The following LHCGR variants were observed in gnomAD, a reference collection of about 807,000 sequenced individuals.
LHCGR encodes luteinizing hormone/choriogonadotropin receptor.
Under a neutral mutation model 60.7 loss-of-function variants are expected in LHCGR, and 55 were observed. The observed-to-expected ratio is 0.91, with a 90% CI of 0.73 to 1.13. LHCGR has a LOEUF of 1.13. Ranked by LOEUF, LHCGR falls within the 50% of genes most tolerant of loss-of-function variation. The pLI is 0.00. For synonymous variants in LHCGR, 337 were observed against 316.5 expected (o/e 1.06, Z -0.69); for missense variants, 862 against 836.0 (o/e 1.03, Z -0.38).
Position 48,708,978 on chromosome 2 carries a change from G to C in LHCGR, c.650C>G (p.Ala217Gly). ...NVHLEKMHNG[A>G]FRGATGPKTL... ...TTTCGGCCCTGTGGCCCCACGGAAG[G>C]CTCCATTGTGCATCTTCTCCAGATG... The change falls in exon 8 of 11, where the codon GCC becomes GGC. Residue 217 changes from alanine to glycine, a missense_variant. Transcript: ENST00000294954. The C allele has an allele frequency of 1.9e-6, 3 of 1,614,132 alleles. No individual in the cohort carries two copies. The highest frequency in any genetic ancestry group is 2.5e-6 in the Non-Finnish European group (3 of 1,179,992).
chr2:48,689,811 T>A (rs1290450128), intron 10 of LHCGR, among the ~76,000 whole-genome samples: 1 of 151,992 alleles, frequency 6.6e-6, no homozygotes, highest in East Asian at 1.9e-4. Flanking sequence ...GCCTCCCAGG[T>A]TCAAACGATT....
At chr2:48,740,837 C>T (rs952040082) in intron 1 of LHCGR, among the ~76,000 whole-genome samples, 1 of 152,202 alleles carries the variant, frequency 6.6e-6, no homozygotes, top group Admixed American at 6.5e-5. Flanking sequence ...ACAAAGCTGA[C>T]AGAGAATGAC....
At chr2:48,706,583 G>A (rs370439635) in intron 8 of LHCGR, among the ~76,000 whole-genome samples, 26 of 152,004 alleles carry the variant, frequency 1.7e-4, no homozygotes, top group African/African-American at 5.8e-4. Context: ...GACCTTGTTC[G>A]TTTGTTTTCA....
Position 48,723,670 on chromosome 2 carries a change from T to A in LHCGR, c.410A>T (p.Lys137Met), listed in dbSNP as rs1381455502. ...YLSICNTGIR[K>M]FPDVTKVFSS... ...GAAGACCTTCGTAACATCTGGAAAC[T>A]TTCTGATGCCTGTGTTACAGATGCT... Residue 137 changes from lysine to methionine, a missense_variant, in exon 5 of 11, where the codon AAG (lysine) becomes ATG (methionine). Coordinates refer to ENST00000294954, the MANE Select transcript of LHCGR (RefSeq NM_000233.4). 2.5e-6 allele frequency: 4 copies of A among 1,613,778 alleles called. No individual in the cohort carries two copies. The African/African-American group carries it at 5.3e-5, about 22-fold the overall frequency.
chr2:48,740,302 C>T (rs1311448793), intron 1 of LHCGR, among the ~76,000 whole-genome samples: 2 of 152,330 alleles, frequency 1.3e-5, no homozygotes, highest in Admixed American at 1.3e-4. Context: ...CTTAGGTAAA[C>T]AAAGCAGCCA....
intron 1 of LHCGR, among the ~76,000 whole-genome samples, chr2:48,749,984 G>A (rs1669887493): frequency 6.6e-6 from 1 of 152,208 alleles, no homozygotes; most frequent in African/African-American, 2.4e-5. Context: ...TCAGGTTTAA[G>A]AGTTGCCTTG....
At chr2:48,710,425 T>A (rs943649672) in intron 7 of LHCGR, among the ~76,000 whole-genome samples, 30 of 152,234 alleles carry the variant, frequency 2.0e-4, no homozygotes, top group Non-Finnish European at 2.9e-5. Context: ...TCAGATTAAT[T>A]GTTCAAATTT....
At chr2:48,709,802 T>C (rs1455697878) in intron 7 of LHCGR, among the ~76,000 whole-genome samples, 1 of 152,204 alleles carries the variant, frequency 6.6e-6, no homozygotes, top group Admixed American at 6.5e-5. Context: ...GGCAGCCTCC[T>C]TTCTGGGCCC....
chr2:48,735,814 C>A (rs1289735637), intron 1 of LHCGR, among the ~76,000 whole-genome samples: 1 of 152,152 alleles, frequency 6.6e-6, no homozygotes, highest in African/African-American at 2.4e-5. Context: ...TGCTTATAGA[C>A]TGATGTGGTT....
intron 10 of LHCGR, among the ~76,000 whole-genome samples, chr2:48,690,674 C>T (rs897299433): frequency 6.6e-6 from 1 of 152,178 alleles, no homozygotes; most frequent in African/African-American, 2.4e-5. Flanking sequence ...CTGGTGAATT[C>T]CTCCTCATCT....
At chr2:48,745,548 G>A (rs932141790) in intron 1 of LHCGR, among the ~76,000 whole-genome samples, 1 of 152,016 alleles carries the variant, frequency 6.6e-6, no homozygotes, top group African/African-American at 2.4e-5. Flanking sequence ...CCTTTGTAGG[G>A]ACATGGATGA....
chr2:48,745,770 G>A (rs1423426998), intron 1 of LHCGR, among the ~76,000 whole-genome samples: 28 of 151,306 alleles, frequency 1.9e-4, no homozygotes, highest in South Asian at 4.2e-4. Flanking sequence ...TGGGTGCAGC[G>A]CACCAGCATG....
chr2:48,693,671 G>A (rs1398841923), intron 10 of LHCGR, among the ~76,000 whole-genome samples: 1 of 152,218 alleles, frequency 6.6e-6, no homozygotes, highest in East Asian at 1.9e-4. Context: ...TAAGTGAAAT[G>A]CCAAGGCAGC....
chr2:48,721,865 A>AT (rs1668511831), intron 6 of LHCGR: 3 of 455,874 alleles, frequency 6.6e-6, no homozygotes, highest in South Asian at 4.8e-5. Context: ...GTATAAAGAA[A>AT]TGAGGCCGGG....
intron 6 of LHCGR, among the ~76,000 whole-genome samples, chr2:48,718,825 T>C (rs1354007971): frequency 2.0e-5 from 3 of 152,172 alleles, no homozygotes; most frequent in African/African-American, 4.8e-5. Context: ...GTAACTCTAG[T>C]TATGAATCAG....
chr2:48,696,679 C>G (rs944181563), intron 9 of LHCGR, among the ~76,000 whole-genome samples: 2 of 152,192 alleles, frequency 1.3e-5, no homozygotes, highest in African/African-American at 4.8e-5. Context: ...AGGGCCTCAA[C>G]TTTTACTGAT....
intron 1 of LHCGR, among the ~76,000 whole-genome samples, chr2:48,753,498 G>A (rs1484037571): frequency 1.3e-5 from 2 of 152,188 alleles, no homozygotes; most frequent in Non-Finnish European, 1.5e-5. Flanking sequence ...GACTGGCAGA[G>A]GATGTTCCTG....
intron 6 of LHCGR, among the ~76,000 whole-genome samples, chr2:48,718,078 G>T (rs1668341758): frequency 6.6e-6 from 1 of 151,918 alleles, no homozygotes; most frequent in Admixed American, 6.6e-5. Flanking sequence ...AAAACATCTG[G>T]AGAGTCACTT....
At chr2:48,693,111 C>T (rs1162318522) in intron 10 of LHCGR, among the ~76,000 whole-genome samples, 7 of 152,006 alleles carry the variant, frequency 4.6e-5, no homozygotes, top group Admixed American at 2.0e-4. Flanking sequence ...CATGTGGTTG[C>T]AAAAGAGTTA....
Sources: gnomAD v4.1 joint callset for allele counts (sites outside exome capture counted in the v4.1 genomes callset) on GRCh38, gnomAD v4.1.1 for gene constraint, MANE v1.5 for transcripts, NCBI Gene and HGNC (gene_info 2026-07-23, HGNC 2026-07-21) for gene names.